The following TAF6 variants were observed in gnomAD, a reference collection of about 807,000 sequenced individuals.
TAF6 encodes the protein TATA-box binding protein associated factor 6, also known as transcription initiation factor TFIID subunit 6.
In TAF6, 50 loss-of-function variants were observed where a neutral mutation model predicts 73.5. The observed-to-expected ratio is 0.68, with a 90% CI of 0.54 to 0.86. The LOEUF (loss-of-function observed/expected upper bound fraction) is 0.86. Ranked by LOEUF, TAF6 falls within the 40% of genes least tolerant of loss-of-function variation. The pLI, the probability that TAF6 is intolerant of heterozygous loss-of-function variation, is 0.00. For synonymous variants in TAF6, 424 were observed against 376.7 expected (o/e 1.13, Z -1.45); for missense variants, 768 against 899.5 (o/e 0.85, Z 1.87).
intron 3 of TAF6, 35 bp downstream of exon 3, chr7:100,113,833 G>C: frequency 1.3e-6 from 2 of 1,577,118 alleles, no homozygotes; most frequent in Non-Finnish European, 1.7e-6. Flanking sequence ...GAAGGATGGC[G>C]TCTCACCCCC....
chr7:100,122,195 T>G, upstream of TAF6: 1 of 1,600,774 alleles, frequency 6.2e-7, no homozygotes, highest in African/African-American at 1.3e-5. Context: ...TCAGGTCATC[T>G]GCAGAATGAA....
At chr7:100,119,933 C>G (rs974582202), upstream of TAF6, 1 of 1,423,270 alleles carries the variant, frequency 7.0e-7, no homozygotes, top group Non-Finnish European at 9.5e-7. Context: ...GACATCCTAG[C>G]CTGTATTGGG....
intron 10 of TAF6, 80 bp from the exon 11 acceptor site, chr7:100,110,354 T>C: frequency 1.3e-6 from 2 of 1,483,032 alleles, no homozygotes; most frequent in Non-Finnish European, 1.9e-6. Flanking sequence ...CATAGACACT[T>C]TCCTTGTAAA....
chr7:100,109,871 G>C, intron 12 of TAF6, 77 bp downstream of exon 12: 1 of 1,576,184 alleles, frequency 6.3e-7, no homozygotes, highest in Non-Finnish European at 8.6e-7. Flanking sequence ...GGGAGTAAGT[G>C]AATAAAATAT....
Position 100,108,895 on chromosome 7 carries a change from G to A in TAF6, c.1285-355C>T, listed in dbSNP as rs4134922. ...AAAAACTAGCCAGGCATGGTGGCAC[G>A]CACCTGTAGTCCCAGCTACTGGGGA... On this transcript the variant is annotated intron_variant, in intron 12 of 14. Transcript: ENST00000453269. 1,329 of 183,614 alleles carry A rather than the reference G, an allele frequency of 7.2e-3. 15 individuals carry two copies. The highest frequency in any genetic ancestry group is 0.029 in the African/African-American group (1,240 of 42,206). 11.4% of individuals were successfully genotyped at this position (183,614 alleles called of 1,614,324 possible).
upstream of TAF6, chr7:100,122,861 G>A (rs774045351): frequency 5.6e-6 from 9 of 1,613,772 alleles, no homozygotes; most frequent in South Asian, 6.6e-5. Flanking sequence ...TCCCTCTGGA[G>A]CTTTGGGATG....
At position 100,107,984 on chromosome 7, in the gene TAF6, G is replaced by C; in HGVS notation, c.1598C>G (p.Pro533Arg). 6.2e-7 allele frequency: 1 copy of C among 1,614,072 alleles called. No homozygotes were observed. Among genetic ancestry groups the C allele is most frequent in the Non-Finnish European group, 8.5e-7 (1 of 1,180,000 alleles). ...CATTACAATAAACTTGGTTGGAGGAGGGGAAGGCTGTGGTGGGGCAGCCGC... is the reference window on the plus strand; with the variant it reads ...CATTACAATAAACTTGGTTGGAGGACGGGAAGGCTGTGGTGGGGCAGCCGC... Reference protein sequence around the residue: ...ARAAAPPQPSPPPTKFIVMSS... With the variant: ...ARAAAPPQPSRPPTKFIVMSS... Residue 533 changes from proline (P) to arginine (R), a missense_variant, in exon 14 of 15, where the codon CCT becomes CGT. This residue lies in a region of TAF6 where 350 missense variants were observed against 352.3 expected (regional missense o/e 0.99). Transcript: ENST00000453269.
intron 14 of TAF6, 130 bp from the exon 15 acceptor site, chr7:100,107,753 C>T: frequency 7.0e-7 from 1 of 1,436,332 alleles, no homozygotes; most frequent in Admixed American, 2.6e-5. Flanking sequence ...ACAGCTATGG[C>T]TGGAGACCTT....
the TAF6 span, chr7:100,127,145 G>T: frequency 1.9e-6 from 1 of 521,384 alleles, no homozygotes; most frequent in African/African-American, 2.0e-5. The surrounding 1 kb of genome is among the most constrained non-coding windows in gnomAD (Gnocchi z 4.6). Context: ...TACGTACCGC[G>T]AACGGAATGG....
Position 100,111,994 on chromosome 7 carries a change from G to C in TAF6, c.726C>G (p.Ala242=). 6.2e-7 allele frequency: 1 copy of C among 1,614,112 alleles called. No homozygotes were observed. The highest frequency in any genetic ancestry group is 8.5e-7 in the Non-Finnish European group (1 of 1,180,004). ...VGSCEAKRAE[A]LQSIATDPGL... ...CAGGGTCCGTGGCAATGCTTTGCAG[G>C]GCTTCCTGTGGGAGGAGGGAAGCCA... The change falls in exon 8 of 15, where the codon GCC becomes GCG. Residue 242 remains alanine (A), a synonymous_variant. Coordinates refer to ENST00000453269, the MANE Select transcript of TAF6 (RefSeq NM_139315.3).
At chr7:100,122,211 GGT>G (rs1241614848), upstream of TAF6, 2 of 1,609,334 alleles carry the variant, frequency 1.2e-6, no homozygotes, top group Non-Finnish European at 8.5e-7. Context: ...ATGAATGGCT[GGT>G]GTGTTTGTCT....
rs759333845 is a variant in TAF6 at position 100,107,213 on chromosome 7, T to A, written c.*33A>T. On this transcript the variant is annotated 3_prime_UTR_variant, in exon 15 of 15. Transcript: ENST00000453269. Reference sequence around the variant, plus strand: ...ACGTGCACGTGTGTACATGTCTGCATGTGTGGGAATCCGGGGGCTGGCAGG... The same window carrying A: ...ACGTGCACGTGTGTACATGTCTGCAAGTGTGGGAATCCGGGGGCTGGCAGG... 1 of 1,518,584 alleles carries A rather than the reference T, an allele frequency of 6.6e-7. No individual in the cohort carries two copies. The highest frequency in any genetic ancestry group is 1.3e-5 in the South Asian group (1 of 75,346). 94.1% of individuals were successfully genotyped at this position (1,518,584 alleles called of 1,614,324 possible). A position where few individuals can be genotyped will look rare whatever the true frequency, so the allele number is the denominator to read the frequency against.
chr7:100,124,981 A>G, the TAF6 span: 2 of 1,415,316 alleles, frequency 1.4e-6, no homozygotes, highest in Admixed American at 2.3e-5. Context: ...GGGTGTGTTT[A>G]TGAGTGACTC....
rs1308890954 is a variant in TAF6, at chr7:100,113,873, C to G, written c.238G>C (p.Val80Leu). ...DIDYALKLKNVEPLYGFHAQE... is the reference protein window; with the variant it reads ...DIDYALKLKNLEPLYGFHAQE... ...CGCCTGTCTCCCCAAATCACCTCGA[C>G]ATTCTTTAGCTTCAAGGCGTAGTCA... The change falls in exon 3 of 15, where the codon GTC becomes CTC. Residue 80 changes from valine (V) to leucine (L), a missense_variant. This residue lies in a region of TAF6 where 269 missense variants were observed against 268.0 expected (regional missense o/e 1.00). Transcript: ENST00000453269. 1.9e-6 allele frequency: 3 copies of G among 1,613,294 alleles called. No individual in the cohort carries two copies. The African/African-American group carries it at 4.0e-5, about 22-fold the overall frequency.
rs1307891339 is a variant in TAF6, at chr7:100,119,309, G to A, written c.-165C>T. 8.8e-6 allele frequency: 9 copies of A among 1,026,342 alleles called. No homozygotes were observed. Among genetic ancestry groups the A allele is most frequent in the South Asian group, 3.2e-5 (1 of 31,496 alleles). 63.6% of individuals were successfully genotyped at this position (1,026,342 alleles called of 1,614,324 possible). On this transcript the variant is annotated 5_prime_UTR_variant, in exon 1 of 15. Transcript: ENST00000453269. ...CGCGGGGAGCAGGAAAACTCTAGCG[G>A]CAGCCGAGACGCTGCTCACCCGGCG...
rs746591428 is a variant in TAF6, at chr7:100,113,629, G to A, written c.384C>T (p.Asp128=). The change falls in exon 4 of 15, where the codon GAC becomes GAT. Residue 128 remains aspartate (D), a synonymous_variant. Transcript: ENST00000453269. ...CCCTCCCCCAACCTTTGAGGCAGAC[G>A]TCCAGGGGCACCCGGGGCAGAGGGG... ...INTPLPRVPL[D]VCLKAHWLSI... is the part of the protein sequence containing the mutation. 81 of 1,613,870 alleles carry A rather than the reference G, an allele frequency of 5.0e-5. No homozygotes were observed. Among genetic ancestry groups the A allele is most frequent in the Non-Finnish European group, 6.4e-5 (76 of 1,180,000 alleles).
chr7:100,119,893 C>T (rs1797977865), upstream of TAF6: 1 of 1,558,770 alleles, frequency 6.4e-7, no homozygotes, highest in Non-Finnish European at 8.7e-7. Context: ...CTATAGGCAT[C>T]GCCCGGCCAC....
chr7:100,118,055 AAAAAAAC>A (rs1473427044), intron 1 of TAF6, among the ~76,000 whole-genome samples: 3 of 150,174 alleles, frequency 2.0e-5, no homozygotes, highest in East Asian at 2.0e-4. Flanking sequence ...CAAAAAAAAA[AAAAAAAC>A]AAAAAAAGCA....
chr7:100,112,553 A>G (rs1174333994), intron 6 of TAF6, among the ~76,000 whole-genome samples: 1 of 152,082 alleles, frequency 6.6e-6, no homozygotes, highest in East Asian at 1.9e-4. Flanking sequence ...TCTACTAAAA[A>G]AAATTACAAA....
Sources: allele counts gnomAD v4.1 joint callset (sites outside exome capture counted in the v4.1 genomes callset), GRCh38; gene constraint gnomAD v4.1.1; regional missense constraint gnomAD v4.1.1; non-coding constraint Gnocchi (gnomAD v3.1); transcripts MANE v1.5; gene names NCBI Gene and HGNC (gene_info 2026-07-23, HGNC 2026-07-21).